The following CARMIL1 variants were observed in gnomAD, a reference collection of about 807,000 sequenced individuals.
CARMIL1 encodes the protein capping protein regulator and myosin 1 linker 1.
In CARMIL1, 90 loss-of-function variants were observed where a neutral mutation model predicts 177.1. The observed-to-expected ratio is 0.51, with a 90% confidence interval of 0.43 to 0.61. The LOEUF (loss-of-function observed/expected upper bound fraction) is 0.61. CARMIL1 is among the 20% of genes least tolerant of loss of function. The pLI is 0.00. For synonymous variants in CARMIL1, 577 were observed against 606.2 expected (o/e 0.95, Z 0.71); for missense variants, 1,380 against 1,667.0 (o/e 0.83, Z 3.00).
intron 2 of CARMIL1, among the ~76,000 whole-genome samples, chr6:25,344,198 C>G (rs1787255806): frequency 6.6e-6 from 1 of 152,162 alleles, no homozygotes; most frequent in African/African-American, 2.4e-5. Context: ...ATCACCACTT[C>G]CTCTTCTCTC....
chr6:25,404,770 A>AAAT (rs1554187727), intron 2 of CARMIL1, among the ~76,000 whole-genome samples: 17 of 125,308 alleles, frequency 1.4e-4, no homozygotes, highest in East Asian at 9.0e-4. Context: ...AAAAAAAAAA[A>AAAT]AATAGAGGTG....
intron 12 of CARMIL1, among the ~76,000 whole-genome samples, chr6:25,483,395 C>G (rs780542315): frequency 6.6e-6 from 1 of 152,136 alleles, no homozygotes; most frequent in Non-Finnish European, 1.5e-5. Flanking sequence ...CCAGATGCCT[C>G]ATTTGTAAGA....
At chr6:25,448,647 T>G (rs115787509) in intron 5 of CARMIL1, among the ~76,000 whole-genome samples, 151 of 152,336 alleles carry the variant, frequency 9.9e-4, no homozygotes, top group Non-Finnish European at 1.7e-3. Context: ...TGAACTTTCC[T>G]TGTGTTAGTT....
intron 29 of CARMIL1, among the ~76,000 whole-genome samples, chr6:25,564,581 G>A (rs1811393915): frequency 6.6e-6 from 1 of 152,172 alleles, no homozygotes; most frequent in South Asian, 2.1e-4. Context: ...AGTAGTGGAC[G>A]TTCTGAGTAG....
chr6:25,356,267 C>T (rs1161813639), intron 2 of CARMIL1, among the ~76,000 whole-genome samples: 2 of 152,098 alleles, frequency 1.3e-5, no homozygotes, highest in Admixed American at 1.3e-4. Flanking sequence ...CCTTGTTAGC[C>T]AGGATGGTCT....
intron 31 of CARMIL1, among the ~76,000 whole-genome samples, chr6:25,582,421 C>G (rs1257669292): frequency 1.3e-5 from 2 of 152,144 alleles, no homozygotes; most frequent in African/African-American, 4.8e-5. Context: ...GTTTTAGTCT[C>G]TGTTGTTGAC....
intron 13 of CARMIL1, among the ~76,000 whole-genome samples, chr6:25,491,036 C>A (rs1449084892): frequency 1.3e-5 from 2 of 152,210 alleles, no homozygotes; most frequent in Non-Finnish European, 2.9e-5. Context: ...AGTTGCTACA[C>A]ATACAGGGTA....
intron 5 of CARMIL1, among the ~76,000 whole-genome samples, chr6:25,444,451 T>C (rs1015508815): frequency 6.6e-6 from 1 of 152,052 alleles, no homozygotes; most frequent in African/African-American, 2.4e-5. Context: ...GGTATACATG[T>C]GCCATGCTGG....
intron 29 of CARMIL1, among the ~76,000 whole-genome samples, chr6:25,563,008 CTG>C: frequency 1.3e-5 from 2 of 152,278 alleles, no homozygotes; most frequent in East Asian, 3.9e-4. Flanking sequence ...ATTCCATTTT[CTG>C]TGTGTGTGCA....
intron 3 of CARMIL1, 112 bp from the exon 4 acceptor site, chr6:25,426,389 C>A: frequency 1.3e-6 from 1 of 743,556 alleles, no homozygotes; most frequent in Non-Finnish European, 2.1e-6. Flanking sequence ...CTTATTTGCT[C>A]TTGGGCTGTT....
chr6:25,369,875 T>C (rs907092061), intron 2 of CARMIL1: 5 of 152,190 alleles, frequency 3.3e-5, no homozygotes, highest in African/African-American at 9.7e-5. Context: ...CTCAAAGTCT[T>C]ATTTGAAGTG....
intron 5 of CARMIL1, among the ~76,000 whole-genome samples, chr6:25,438,705 A>G (rs1387867326): frequency 6.6e-6 from 1 of 152,206 alleles, no homozygotes. Context: ...GAATGATTCA[A>G]GAGGGGGCTG....
At chr6:25,595,462 T>C (rs1814749077) in intron 32 of CARMIL1, among the ~76,000 whole-genome samples, 1 of 152,192 alleles carries the variant, frequency 6.6e-6, no homozygotes, top group Admixed American at 6.5e-5. Context: ...TCTTATAACC[T>C]TTAGGACCCA....
At chr6:25,451,024 T>C (rs952565709) in intron 8 of CARMIL1, among the ~76,000 whole-genome samples, 12 of 72,324 alleles carry the variant, frequency 1.7e-4, no homozygotes, top group East Asian at 5.4e-4. Flanking sequence ...TCCCCTCTCT[T>C]CTCTTTCCTG....
intron 2 of CARMIL1, among the ~76,000 whole-genome samples, chr6:25,392,117 A>G (rs10498723): frequency 0.14 from 20,547 of 146,574 alleles, 1,648 homozygotes; most frequent in East Asian, 0.32. Flanking sequence ...GTGGTATGGT[A>G]AGAGTTTGCC....
intron 32 of CARMIL1, 69 bp downstream of exon 32, chr6:25,594,596 AACTTAGTAT>A (rs1814639215): frequency 3.4e-6 from 3 of 876,542 alleles, no homozygotes; most frequent in Non-Finnish European, 5.5e-6. Flanking sequence ...GTTACAATTA[AACTTAGTAT>A]ACTAAGTTTC....
intron 31 of CARMIL1, among the ~76,000 whole-genome samples, chr6:25,586,356 G>T (rs536432359): frequency 1.2e-3 from 168 of 142,126 alleles, no homozygotes; most frequent in African/African-American, 3.8e-3. Context: ...CATCCCAGAC[G>T]GGGTGGCAGG....
intron 2 of CARMIL1, among the ~76,000 whole-genome samples, chr6:25,390,513 G>T (rs1266196141): frequency 6.6e-6 from 1 of 151,066 alleles, no homozygotes; most frequent in African/African-American, 2.4e-5. Context: ...GTAGAGATGG[G>T]GATTTGTCAT....
In CARMIL1 at chr6:25,496,201, G is replaced by T. The variant is rs542378536; in HGVS notation, c.1325+986G>T. 1.4e-4 allele frequency among the ~76,000 whole-genome samples: 21 copies of T among 152,230 alleles called. No individual in the cohort carries two copies. In the East Asian group the frequency reaches 4.1e-3, roughly 29 times the overall value. ...CCTTTAAAAAAGTAGATCCAGGCTG[G>T]GTGCGGTGGCTCACGCCTGTAATCT... On this transcript the variant is annotated intron_variant, in intron 16 of 36. Coordinates refer to ENST00000329474, the MANE Select transcript of CARMIL1 (RefSeq NM_017640.6).
Sources: gnomAD v4.1 joint callset for allele counts (sites outside exome capture counted in the v4.1 genomes callset) on GRCh38, gnomAD v4.1.1 for gene constraint, MANE v1.5 for transcripts, NCBI Gene and HGNC (gene_info 2026-07-23, HGNC 2026-07-21) for gene names.